SLC24A4: variants seen among roughly 807,000 people sequenced by gnomAD.
SLC24A4 encodes the protein solute carrier family 24 member 4.
A neutral mutation model predicts 79.0 loss-of-function variants in SLC24A4; 53 were observed. The observed-to-expected ratio is 0.67, with a 90% CI of 0.54 to 0.84. The LOEUF is 0.84. Ranked by LOEUF, SLC24A4 falls within the 40% of genes least tolerant of loss-of-function variation. The pLI, the probability that SLC24A4 is intolerant of heterozygous loss-of-function variation, is 0.00. For missense variants in SLC24A4, 731 were observed against 822.0 expected (o/e 0.89, Z 1.35); for synonymous variants, 323 against 323.8 (o/e 1.00, Z 0.03).
chr14:92,386,915 A>G (rs1889188311), intron 2 of SLC24A4, among the ~76,000 whole-genome samples: 1 of 152,066 alleles, frequency 6.6e-6, no homozygotes, highest in Non-Finnish European at 1.5e-5. Context: ...AGCTGTGGAA[A>G]TGTGTTCTCG....
At chr14:92,365,220 C>T (rs998365538) in intron 2 of SLC24A4, among the ~76,000 whole-genome samples, 8 of 152,396 alleles carry the variant, frequency 5.2e-5, no homozygotes, top group East Asian at 1.9e-4. Context: ...TTGCCTGGCA[C>T]ACACTGGCAT....
chr14:92,401,036 G>T (rs1001983693), intron 2 of SLC24A4, among the ~76,000 whole-genome samples: 1 of 152,074 alleles, frequency 6.6e-6, no homozygotes, highest in Non-Finnish European at 1.5e-5. Flanking sequence ...GGAGAGGGGG[G>T]AATACACACA....
At chr14:92,420,819 CGG>C (rs33925727) in intron 2 of SLC24A4, among the ~76,000 whole-genome samples, 1 of 151,556 alleles carries the variant, frequency 6.6e-6, no homozygotes, top group Non-Finnish European at 1.5e-5. Flanking sequence ...CATTTTTTCA[CGG>C]GGGGGGCCTG....
intron 2 of SLC24A4, among the ~76,000 whole-genome samples, chr14:92,385,512 C>CAAA (rs1889104039): frequency 7.3e-6 from 1 of 137,648 alleles, no homozygotes; most frequent in African/African-American, 2.9e-5. Context: ...AAAAAAAAAT[C>CAAA]ATGCAATGTT....
chr14:92,433,256 G>A (rs545506089), intron 2 of SLC24A4, among the ~76,000 whole-genome samples: 34 of 152,308 alleles, frequency 2.2e-4, no homozygotes, highest in African/African-American at 6.7e-4. Context: ...TTTGAATGTG[G>A]CAGTGGCAGG....
At chr14:92,433,822 C>T in intron 2 of SLC24A4, 90 bp from the exon 3 acceptor site, 3 of 1,082,394 alleles carry the variant, frequency 2.8e-6, no homozygotes, top group Non-Finnish European at 4.3e-6. Context: ...GTGGGCTCTG[C>T]AGTTCCTTAG....
rs905252205 is a variant in SLC24A4, at chr14:92,494,329, A to G, written c.*701A>G. The stretch of plus-strand genomic sequence containing the variant: ...GAAATATTAAAAAATGAAACATCAT[A>G]TAGGTCATCATACTTGAAAATTATC... On this transcript the variant is annotated 3_prime_UTR_variant, in exon 17 of 17. Transcript: ENST00000532405. This position sits in a 1 kb window ranked among gnomAD's most constrained non-coding sequence, Gnocchi z 4.6. The G allele has an allele frequency of 1.3e-5, 2 of 152,458 alleles. No homozygotes were observed. Among genetic ancestry groups the G allele is most frequent in the African/African-American group, 4.8e-5 (2 of 41,464 alleles). The allele number at this position is 152,458 out of a possible 1,614,324, so 9.4% of individuals were successfully genotyped here.
intron 2 of SLC24A4, among the ~76,000 whole-genome samples, chr14:92,329,814 T>TTGTTTTTA (rs944382482): frequency 2.0e-5 from 3 of 152,256 alleles, no homozygotes; most frequent in African/African-American, 7.2e-5. Context: ...CCTCCCTATG[T>TTGTTTTTA]TGTTTTTATG....
At chr14:92,372,099 C>CAAA (rs1888202229) in intron 2 of SLC24A4, among the ~76,000 whole-genome samples, 1 of 152,188 alleles carries the variant, frequency 6.6e-6, no homozygotes, top group Non-Finnish European at 1.5e-5. Flanking sequence ...GCTGCAGCAA[C>CAAA]GAAAAACTCT....
intron 12 of SLC24A4, among the ~76,000 whole-genome samples, chr14:92,464,284 G>A (rs1314623995): frequency 2.0e-5 from 3 of 152,106 alleles, no homozygotes; most frequent in Admixed American, 1.3e-4. Context: ...GAGGACCAGC[G>A]GCTTGCCCAA....
intron 12 of SLC24A4, among the ~76,000 whole-genome samples, chr14:92,472,303 G>A (rs1296201465): frequency 6.6e-6 from 1 of 152,112 alleles, no homozygotes; most frequent in African/African-American, 2.4e-5. Flanking sequence ...TTGGTTACAT[G>A]AGAAAGTTCT....
chr14:92,372,545 G>T (rs1334482043), intron 2 of SLC24A4, among the ~76,000 whole-genome samples: 1 of 152,130 alleles, frequency 6.6e-6, no homozygotes, highest in South Asian at 2.1e-4. Context: ...TGTATGTACT[G>T]GTGTGTTAGG....
chr14:92,357,123 C>T (rs117977622), intron 2 of SLC24A4, among the ~76,000 whole-genome samples: 235 of 152,260 alleles, frequency 1.5e-3, no homozygotes, highest in Middle Eastern at 3.4e-3. Context: ...GAGACTTACT[C>T]GAGCTGTGTC....
intron 2 of SLC24A4, among the ~76,000 whole-genome samples, chr14:92,409,221 C>T (rs1024699117): frequency 1.8e-4 from 27 of 152,168 alleles, no homozygotes; most frequent in Non-Finnish European, 7.3e-5. Flanking sequence ...GTTGATGTCA[C>T]AACTCCAGAG....
At chr14:92,489,287 A>G (rs1895543519) in intron 14 of SLC24A4, among the ~76,000 whole-genome samples, 1 of 152,076 alleles carries the variant, frequency 6.6e-6, no homozygotes, top group Admixed American at 6.5e-5. Context: ...AAAATAAAAA[A>G]AATTAGCCAG....
chr14:92,430,811 T>A (rs1476399153), intron 2 of SLC24A4, among the ~76,000 whole-genome samples: 1 of 152,138 alleles, frequency 6.6e-6, no homozygotes, highest in Non-Finnish European at 1.5e-5. Flanking sequence ...CTCCCTTCCC[T>A]CCTCCCTCCA....
Position 92,469,274 on chromosome 14 carries a change from C to T in SLC24A4, c.1255+12666C>T, listed in dbSNP as rs541857515. On this transcript the variant is annotated intron_variant, in intron 12 of 16. Coordinates refer to ENST00000532405, the MANE Select transcript of SLC24A4 (RefSeq NM_153646.4). Reference sequence around the variant, plus strand: ...CTGTAATCCCAGCACTTTGGGAGACCGAGGTGGGCAGATCACGAGGTCAGG... The same window carrying T: ...CTGTAATCCCAGCACTTTGGGAGACTGAGGTGGGCAGATCACGAGGTCAGG... Among the ~76,000 whole-genome samples the T allele has an allele frequency of 1.1e-4, 17 of 152,112 alleles. No individual in the cohort carries two copies. In the East Asian group the frequency reaches 1.9e-3, roughly 17 times the overall value.
chr14:92,360,074 A>G (rs889526492), intron 2 of SLC24A4, among the ~76,000 whole-genome samples: 3 of 152,162 alleles, frequency 2.0e-5, no homozygotes, highest in African/African-American at 7.2e-5. Flanking sequence ...GTGCACCACC[A>G]TGCCTGGCTA....
Position 92,431,353 on chromosome 14 carries a change from C to T in SLC24A4, c.242-2559C>T, listed in dbSNP as rs145022421. Among the ~76,000 whole-genome samples, 1,227 of 152,326 alleles carry T rather than the reference C, an allele frequency of 8.1e-3. 20 individuals are homozygous for T. Among genetic ancestry groups the T allele is most frequent in the African/African-American group, 0.028 (1,162 of 41,578 alleles). On this transcript the variant is annotated intron_variant, in intron 2 of 16. Transcript: ENST00000532405. ...TGTCAGGCAGCTTGCCCAGGTCCCA[C>T]AGGTCATTAGGAGCAGAGGTACTTC...
Sources: gnomAD v4.1 joint callset for allele counts (sites outside exome capture counted in the v4.1 genomes callset) on GRCh38, gnomAD v4.1.1 for gene constraint, Gnocchi (gnomAD v3.1) non-coding constraint, MANE v1.5 for transcripts, NCBI Gene and HGNC (gene_info 2026-07-23, HGNC 2026-07-21) for gene names.